CROCC: variants seen among roughly 807,000 people sequenced by gnomAD.
CROCC encodes the protein ciliary rootlet coiled-coil, rootletin.
A neutral mutation model predicts 245.2 loss-of-function variants in CROCC; 180 were observed. That is an observed-to-expected ratio of 0.73 (90% CI 0.65 to 0.83). CROCC has a LOEUF of 0.83. CROCC is among the 40% of genes least tolerant of loss of function. The pLI is 0.00. For missense variants in CROCC, 2,688 were observed against 2,779.4 expected (o/e 0.97, Z 0.74); for synonymous variants, 1,205 against 1,241.6 (o/e 0.97, Z 0.62).
chr1:16,954,459 TC>T lies in CROCC; in HGVS notation c.3321+104del. ...GGCATGGCCCTGTCCTGGAGAAGCTTCCAGGCTGTGGGAAAGGAGGTTTAGC... is the reference window on the plus strand; with the variant it reads ...GGCATGGCCCTGTCCTGGAGAAGCTTCAGGCTGTGGGAAAGGAGGTTTAGC... On this transcript the variant is annotated intron_variant, in intron 22 of 36. Coordinates refer to ENST00000375541, the MANE Select transcript of CROCC (RefSeq NM_014675.5). The surrounding 1 kb of genome is among the most constrained non-coding windows in gnomAD (Gnocchi z 4.4). 3 of 1,458,532 alleles carry T rather than the reference TC, an allele frequency of 2.1e-6. No individual in the cohort carries two copies. Among genetic ancestry groups the T allele is most frequent in the South Asian group, 1.4e-5 (1 of 73,680 alleles). 90.3% of individuals were successfully genotyped at this position (1,458,532 alleles called of 1,614,324 possible).
At chr1:16,920,954 G>T (rs2075391189), upstream of CROCC, among the ~76,000 whole-genome samples, 1 of 152,268 alleles carries the variant, frequency 6.6e-6, no homozygotes, top group South Asian at 2.1e-4. Context: ...ATATTGGTCA[G>T]GCTGATCTTG....
rs374342785 is a variant in CROCC, at chr1:16,938,990, G to C, written c.1456G>C (p.Gly486Arg). The change falls in exon 12 of 37, where the codon GGG becomes CGG. Residue 486 changes from glycine (G) to arginine (R), a missense_variant. Physicochemically the swap from Gly to Arg is moderately radical, Grantham distance 125. This residue lies in a region of CROCC where 972 missense variants were observed against 895.3 expected (regional missense o/e 1.09). Transcript: ENST00000375541. ...TADASNGSLR[G>R]LSGQRTPSPP... ...GGATGCTTCCAACGGCAGCCTGCGGGGGCTCTCGGGCCAGCGGACCCCGTC... is the reference window on the plus strand; with the variant it reads ...GGATGCTTCCAACGGCAGCCTGCGGCGGCTCTCGGGCCAGCGGACCCCGTC... The C allele has an allele frequency of 3.1e-6, 5 of 1,604,122 alleles. No homozygotes were observed. The highest frequency in any genetic ancestry group is 4.5e-5 in the East Asian group (2 of 44,526).
intron 8 of CROCC, among the ~76,000 whole-genome samples, chr1:16,931,798 C>A (rs1244484146): frequency 6.6e-6 from 1 of 152,184 alleles, no homozygotes; most frequent in African/African-American, 2.4e-5. Context: ...TGCTCTGTCA[C>A]CAGGCTGGAG....
chr1:16,923,975 C>T (rs1401215314), intron 2 of CROCC, among the ~76,000 whole-genome samples: 3 of 152,242 alleles, frequency 2.0e-5, no homozygotes, highest in Non-Finnish European at 4.4e-5. Context: ...TCCGTGCCCG[C>T]CCCACCCATA....
chr1:16,938,898 C>T lies in CROCC; in HGVS notation c.1375-11C>T, dbSNP rs2075851645. On this transcript the variant is annotated splice_polypyrimidine_tract_variant and intron_variant, in intron 11 of 36. Coordinates refer to ENST00000375541, the MANE Select transcript of CROCC (RefSeq NM_014675.5). ...CAGCAGCCTCCTTCTGCCTCCCTCC[C>T]CCACCCTCAGGCCGTCTTGTCAGAC... The T allele has an allele frequency of 1.9e-6, 3 of 1,604,384 alleles. No homozygotes were observed. Among genetic ancestry groups the T allele is most frequent in the Non-Finnish European group, 2.5e-6 (3 of 1,176,942 alleles).
At chr1:16,939,751 A>G in intron 12 of CROCC, 143 bp from the exon 13 acceptor site, 1 of 1,011,234 alleles carries the variant, frequency 9.9e-7, no homozygotes, top group South Asian at 1.6e-5. Context: ...TCTCAGGCCT[A>G]GGCCCCTATC....
chr1:16,949,025 G>A, intron 19 of CROCC, 99 bp downstream of exon 19: 1 of 1,490,564 alleles, frequency 6.7e-7, no homozygotes, highest in Non-Finnish European at 9.0e-7. Flanking sequence ...CACTGGAGTA[G>A]GAGTCTGGCT....
chr1:16,944,066 C>T lies in CROCC; in HGVS notation c.1809-34C>T, dbSNP rs1453848295. On this transcript the variant is annotated intron_variant, in intron 13 of 36. Coordinates refer to ENST00000375541, the MANE Select transcript of CROCC (RefSeq NM_014675.5). ...CCTTCCCTGCAGAGAGCAGCCCCAG[C>T]ATCCCCTCTGCTCCCCCTCCCCTTG... 4 of 1,503,088 alleles carry T rather than the reference C, an allele frequency of 2.7e-6. No individual in the cohort carries two copies. In the South Asian group the frequency reaches 3.9e-5, roughly 15 times the overall value. 93.1% of individuals were successfully genotyped at this position (1,503,088 alleles called of 1,614,324 possible).
At chr1:16,914,856 G>A (rs1189780034) in intron 1 of CROCC, among the ~76,000 whole-genome samples, 3 of 152,276 alleles carry the variant, frequency 2.0e-5, no homozygotes, top group South Asian at 2.1e-4. Context: ...ACGATTGACT[G>A]GGGAATGGGG....
intron 1 of CROCC, 131 bp downstream of exon 1, chr1:16,922,209 C>A (rs547409672): frequency 2.1e-6 from 2 of 973,930 alleles, no homozygotes; most frequent in Non-Finnish European, 3.0e-6. Context: ...TATACAGGGG[C>A]CCCCCGCTTG....
intron 8 of CROCC, among the ~76,000 whole-genome samples, chr1:16,931,962 T>G (rs1177102749): frequency 6.6e-6 from 1 of 151,948 alleles, no homozygotes; most frequent in Non-Finnish European, 1.5e-5. Context: ...AGACGGGGTT[T>G]CACCATGTTG....
rs1570634927 is a variant in CROCC at position 16,939,782 on chromosome 1, G to T, written c.1609-112G>T. The T allele has an allele frequency of 1.4e-5, 19 of 1,330,050 alleles. 1 individual carries two copies. The South Asian group carries it at 2.6e-4, about 18-fold the overall frequency. 82.4% of individuals were successfully genotyped at this position (1,330,050 alleles called of 1,614,324 possible). A position where few individuals can be genotyped will look rare whatever the true frequency, so the allele number is the denominator to read the frequency against. ...CTATCCTGCCCCAGGCCAGGTCCAG[G>T]CCCTGGACCCCGCCTAGCGTAGGCT... On this transcript the variant is annotated intron_variant, in intron 12 of 36. Transcript: ENST00000375541.
chr1:16,966,010 G>A lies in CROCC; in HGVS notation c.4587G>A (p.Arg1529=), dbSNP rs149111636. The change falls in exon 29 of 37, where the codon CGG becomes CGA. Residue 1529 remains arginine (R), a synonymous_variant. Transcript: ENST00000375541. The surrounding 1 kb of genome is among the most constrained non-coding windows in gnomAD (Gnocchi z 4.8). ...RSAQRERDEL[R]TQTSALNRQL... The stretch of plus-strand genomic sequence containing the variant: ...TGTCGGGGCTACAGGACGAACTTCG[G>A]ACCCAGACCAGTGCCCTGAATCGCC... 2.3e-3 allele frequency: 3,706 copies of A among 1,613,198 alleles called. 33 individuals carry two copies. The highest frequency in any genetic ancestry group is 0.019 in the Middle Eastern group (117 of 6,054).
upstream of CROCC, among the ~76,000 whole-genome samples, chr1:16,918,136 G>C (rs1483023258): frequency 1.3e-4 from 19 of 145,356 alleles, no homozygotes; most frequent in African/African-American, 4.6e-4. Context: ...CTAGAAACAG[G>C]CACCATTATT....
chr1:16,969,200 G>A lies in CROCC; in HGVS notation c.5161G>A (p.Glu1721Lys), dbSNP rs376384811. The change falls in exon 32 of 37, where the codon GAG (glutamate) becomes AAG (lysine). Residue 1721 changes from glutamate (E) to lysine (K), a missense_variant. Glu to Lys is a moderately conservative substitution (Grantham distance 56, BLOSUM62 1). This residue lies in a region of CROCC where 1,218 missense variants were observed against 1,286.3 expected (regional missense o/e 0.95). Transcript: ENST00000375541. ...NGALAKVEES[E>K]GALRDKVRGL... ...GGCCCTGGCTAAGGTGGAGGAAAGCGAGGGGGCCCTGCGGGACAAGGTGCG... is the reference window on the plus strand; with the variant it reads ...GGCCCTGGCTAAGGTGGAGGAAAGCAAGGGGGCCCTGCGGGACAAGGTGCG... 4.2e-5 allele frequency: 68 copies of A among 1,610,418 alleles called. No homozygotes were observed. The highest frequency in any genetic ancestry group is 5.2e-5 in the Non-Finnish European group (61 of 1,177,734).
At position 16,946,980 on chromosome 1, in the gene CROCC, C is replaced by T; in HGVS notation, c.2503C>T (p.Gln835Ter). 6.4e-7 allele frequency: 1 copy of T among 1,552,032 alleles called. No individual in the cohort carries two copies. Among genetic ancestry groups the T allele is most frequent in the Non-Finnish European group, 8.7e-7 (1 of 1,148,564 alleles). ...CCATGAGCGCAGCCAGCTGCAGGAG[C>T]AGCTAGCGCAGGTGGGCAAAGCTGT... ...LRHERSQLQE[Q>*]LAQLSRQLSG... is the part of the protein sequence containing the mutation. The change falls in exon 17 of 37, where the codon CAG becomes TAG. Residue 835 changes from glutamine (Q) to a stop codon, truncating the protein, a stop_gained. Coordinates refer to ENST00000375541, the MANE Select transcript of CROCC (RefSeq NM_014675.5). LOFTEE classifies it high-confidence loss of function.
At chr1:16,938,146 G>A (rs1458743654) in intron 10 of CROCC, among the ~76,000 whole-genome samples, 5 of 109,510 alleles carry the variant, frequency 4.6e-5, no homozygotes, top group Non-Finnish European at 9.6e-5. Context: ...ACCCCTCTGT[G>A]TGGGGCCTGG....
chr1:16,966,988 G>A lies in CROCC; in HGVS notation c.4860+417G>A, dbSNP rs779081289. Among the ~76,000 whole-genome samples, 7 of 152,000 alleles carry A rather than the reference G, an allele frequency of 4.6e-5. No homozygotes were observed. In the East Asian group the frequency reaches 9.7e-4, roughly 21 times the overall value. ...GAAGATCACTGGAGCCCGGTAGGTCGAGGCTGCAATGAGCTGTGATCATGC... is the reference window on the plus strand; with the variant it reads ...GAAGATCACTGGAGCCCGGTAGGTCAAGGCTGCAATGAGCTGTGATCATGC... On this transcript the variant is annotated intron_variant, in intron 30 of 36. Transcript: ENST00000375541. The surrounding 1 kb of genome is among the most constrained non-coding windows in gnomAD (Gnocchi z 4.8).
intron 1 of CROCC, among the ~76,000 whole-genome samples, chr1:16,915,728 C>T (rs1201624836): frequency 1.3e-5 from 2 of 152,064 alleles, no homozygotes; most frequent in Non-Finnish European, 2.9e-5. Context: ...AGCTGAGAGT[C>T]GGGGTAGCTC....
Sources: allele counts gnomAD v4.1 joint callset (sites outside exome capture counted in the v4.1 genomes callset), GRCh38; gene constraint gnomAD v4.1.1; regional missense constraint gnomAD v4.1.1; non-coding constraint Gnocchi (gnomAD v3.1); transcripts MANE v1.5; gene names NCBI Gene and HGNC (gene_info 2026-07-23, HGNC 2026-07-21).